NR1H4: variants seen among roughly 807,000 people sequenced by gnomAD.
The protein encoded by NR1H4 is bile acid receptor.
A neutral mutation model predicts 58.5 loss-of-function variants in NR1H4; 23 were observed. The ratio of observed to expected loss-of-function variants is 0.39; its 90% confidence interval spans 0.28 to 0.56. The LOEUF (loss-of-function observed/expected upper bound fraction) is 0.56. Ranked by LOEUF, NR1H4 falls within the 20% of genes least tolerant of loss-of-function variation. The pLI, the probability that NR1H4 is intolerant of heterozygous loss-of-function variation, is 0.58. For synonymous variants in NR1H4, 214 were observed against 198.0 expected (o/e 1.08, Z -0.68); for missense variants, 487 against 576.9 (o/e 0.84, Z 1.60).
In NR1H4 at chr12:100,540,600, A is replaced by G. The variant is rs552223697; in HGVS notation, c.932-72A>G. 9.3e-6 allele frequency: 14 copies of G among 1,507,446 alleles called. No homozygotes were observed. The East Asian group carries it at 2.7e-4, about 29-fold the overall frequency. 93.4% of individuals were successfully genotyped at this position (1,507,446 alleles called of 1,614,324 possible). ...CAGAATCACTTGATGTAAATGTTTTATCAATGGCAATGATGGTGATCATGA... is the reference window on the plus strand; with the variant it reads ...CAGAATCACTTGATGTAAATGTTTTGTCAATGGCAATGATGGTGATCATGA... On this transcript the variant is annotated intron_variant, in intron 8 of 10. Transcript: ENST00000392986.
intron 4 of NR1H4, among the ~76,000 whole-genome samples, chr12:100,517,980 A>G (rs1444120921): frequency 6.6e-6 from 1 of 152,210 alleles, no homozygotes; most frequent in Non-Finnish European, 1.5e-5. Flanking sequence ...TGTTTGCTCA[A>G]GGGTAATATT....
chr12:100,546,754 C>G lies in NR1H4; in HGVS notation c.1078+5936C>G, dbSNP rs149158385. The stretch of plus-strand genomic sequence containing the variant: ...AAAATCCATTTGTTGACCCTCCATC[C>G]ACTAACCCTCCAGCCATTGACTCTA... On this transcript the variant is annotated intron_variant, in intron 9 of 10. Coordinates refer to ENST00000392986, the MANE Select transcript of NR1H4 (RefSeq NM_001206979.2). Among the ~76,000 whole-genome samples the G allele has an allele frequency of 6.3e-3, 958 of 152,126 alleles. 12 individuals carry two copies. The highest frequency in any genetic ancestry group is 0.021 in the African/African-American group (879 of 41,522).
At chr12:100,531,503 G>T (rs1954692064) in intron 4 of NR1H4, among the ~76,000 whole-genome samples, 1 of 152,182 alleles carries the variant, frequency 6.6e-6, no homozygotes, top group South Asian at 2.1e-4. Flanking sequence ...AAGATGAGAG[G>T]TCTCTAAACA....
chr12:100,532,399 G>C, intron 4 of NR1H4, 59 bp from the exon 5 acceptor site: 2 of 1,588,360 alleles, frequency 1.3e-6, no homozygotes, highest in Non-Finnish European at 1.7e-6. Context: ...ATCCAAACCT[G>C]TTTTTTTCCT....
intron 8 of NR1H4, among the ~76,000 whole-genome samples, 154 bp from the exon 9 acceptor site, chr12:100,540,518 C>T (rs1028840810): frequency 3.9e-5 from 6 of 152,210 alleles, no homozygotes; most frequent in African/African-American, 1.4e-4. Context: ...ATAAAAGCCT[C>T]TATTTTATTG....
intron 9 of NR1H4, among the ~76,000 whole-genome samples, chr12:100,551,259 T>C (rs2136290323): frequency 6.6e-6 from 1 of 152,346 alleles, no homozygotes; most frequent in African/African-American, 2.4e-5. Context: ...GATAATCTTG[T>C]TAGGGTGATG....
chr12:100,550,866 G>A (rs1593128439), intron 9 of NR1H4, among the ~76,000 whole-genome samples: 1 of 152,132 alleles, frequency 6.6e-6, no homozygotes, highest in East Asian at 1.9e-4. Context: ...GTTTTGCAAT[G>A]TTTTGTTTTC....
At position 100,475,162 on chromosome 12, in the gene NR1H4, T is replaced by A. The variant is rs1471499384; in HGVS notation, c.-190+1103T>A. Among the ~76,000 whole-genome samples, 12 of 108,956 alleles carry A rather than the reference T, an allele frequency of 1.1e-4. No individual in the cohort carries two copies. The East Asian group carries it at 1.6e-3, about 15-fold the overall frequency. 71.5% of individuals were successfully genotyped at this position (108,956 alleles called of 152,430 possible). On this transcript the variant is annotated intron_variant, in intron 1 of 10. Coordinates refer to ENST00000392986, the MANE Select transcript of NR1H4 (RefSeq NM_001206979.2). ...CTATCTATCTATCTATCTATCTAAATTTTTTTTTCTGTTCCTAAAAAAAGG... is the reference window on the plus strand; with the variant it reads ...CTATCTATCTATCTATCTATCTAAAATTTTTTTTCTGTTCCTAAAAAAAGG...
chr12:100,529,465 T>A (rs1017576427), intron 4 of NR1H4, among the ~76,000 whole-genome samples: 9 of 152,154 alleles, frequency 5.9e-5, no homozygotes, highest in Admixed American at 1.3e-4. Context: ...TCTTTCAACA[T>A]GGTAAAGACT....
chr12:100,513,801 A>AAGGAAGGAAGG (rs1954188421), intron 4 of NR1H4, among the ~76,000 whole-genome samples: 1 of 115,910 alleles, frequency 8.6e-6, no homozygotes, highest in African/African-American at 3.6e-5. Context: ...TCAAAGACAG[A>AAGGAAGGAAGG]AAGGAAGGAA....
chr12:100,486,407 A>C (rs1033388032), intron 1 of NR1H4, among the ~76,000 whole-genome samples: 1 of 152,202 alleles, frequency 6.6e-6, no homozygotes, highest in Non-Finnish European at 1.5e-5. Context: ...GAGGGAGAGA[A>C]AAATGACAAG....
At chr12:100,493,558 G>C (rs1276295174) in intron 3 of NR1H4, among the ~76,000 whole-genome samples, 156 bp downstream of exon 3, 1 of 152,186 alleles carries the variant, frequency 6.6e-6, no homozygotes, top group Non-Finnish European at 1.5e-5. Flanking sequence ...CAAGGTTAGA[G>C]GTAGATCGGA....
At chr12:100,500,509 A>G (rs1479721672) in intron 3 of NR1H4, among the ~76,000 whole-genome samples, 1 of 152,228 alleles carries the variant, frequency 6.6e-6, no homozygotes, top group Non-Finnish European at 1.5e-5. Context: ...GACTGGTGTG[A>G]CTGAGGAACT....
At chr12:100,475,159 A>ATCTAC (rs1555330004) in intron 1 of NR1H4, among the ~76,000 whole-genome samples, 2 of 147,860 alleles carry the variant, frequency 1.4e-5, no homozygotes, top group African/African-American at 5.2e-5. Flanking sequence ...CTATCTATCT[A>ATCTAC]AATTTTTTTT....
Position 100,510,767 on chromosome 12 carries a change from C to A in NR1H4, c.80-11C>A. ...GACATTCATTCCAGTTTTGTTGTCACTTTTGTTCAGGTGTTTTAACAGAAC... is the reference window on the plus strand; with the variant it reads ...GACATTCATTCCAGTTTTGTTGTCAATTTTGTTCAGGTGTTTTAACAGAAC... On this transcript the variant is annotated splice_polypyrimidine_tract_variant and intron_variant, in intron 3 of 10. Transcript: ENST00000392986. 2 of 1,613,840 alleles carry A rather than the reference C, an allele frequency of 1.2e-6. No homozygotes were observed. The highest frequency in any genetic ancestry group is 1.7e-6 in the Non-Finnish European group (2 of 1,179,876).
At chr12:100,516,842 A>G (rs1380597321) in intron 4 of NR1H4, among the ~76,000 whole-genome samples, 1 of 152,212 alleles carries the variant, frequency 6.6e-6, no homozygotes, top group Admixed American at 6.5e-5. Flanking sequence ...TGTGTTTACT[A>G]TACTTTAGTA....
chr12:100,513,143 A>G (rs1954165769), intron 4 of NR1H4, among the ~76,000 whole-genome samples: 1 of 152,180 alleles, frequency 6.6e-6, no homozygotes, highest in Non-Finnish European at 1.5e-5. Flanking sequence ...ATGAACTTAT[A>G]CATTCGTTGG....
rs1366327848 is a variant in NR1H4 at position 100,526,699 on chromosome 12, C to A, written c.446-5759C>A. ...TTTTCAAGGCCATGGTTCTTAGTATCTTCCTGTCCTTGTCTCAGAGCTACA... is the reference window on the plus strand; with the variant it reads ...TTTTCAAGGCCATGGTTCTTAGTATATTCCTGTCCTTGTCTCAGAGCTACA... On this transcript the variant is annotated intron_variant, in intron 4 of 10. Coordinates refer to ENST00000392986, the MANE Select transcript of NR1H4 (RefSeq NM_001206979.2). Among the ~76,000 whole-genome samples the A allele has an allele frequency of 2.0e-5, 3 of 152,150 alleles. No individual in the cohort carries two copies. In the East Asian group the frequency reaches 5.8e-4, roughly 29 times the overall value.
chr12:100,498,259 C>T (rs1267594575), intron 3 of NR1H4, among the ~76,000 whole-genome samples: 1 of 152,118 alleles, frequency 6.6e-6, no homozygotes, highest in African/African-American at 2.4e-5. Flanking sequence ...TGATAAACAC[C>T]ATTCCACTCA....
Sources: allele counts gnomAD v4.1 joint callset (sites outside exome capture counted in the v4.1 genomes callset), GRCh38; gene constraint gnomAD v4.1.1; transcripts MANE v1.5; gene names NCBI Gene and HGNC (gene_info 2026-07-23, HGNC 2026-07-21).